Variants in ZNF699 observed in about 807,000 individuals in gnomAD.
ZNF699 encodes hangover homolog.
In ZNF699, 18 loss-of-function variants were observed where a neutral mutation model predicts 22.5. The ratio of observed to expected loss-of-function variants is 0.80; its 90% CI spans 0.55 to 1.19. The LOEUF is 1.19. Among genes scored for constraint, ZNF699 ranks in the 50% most tolerant of loss-of-function variants. The probability of loss-of-function intolerance (pLI) is 0.00; values close to 1 mark genes in which losing one functional copy is unlikely to be tolerated. For missense variants in ZNF699, 670 were observed against 763.4 expected, an observed-to-expected ratio of 0.88 and a Z score of 1.44; for synonymous variants, 241 against 262.3, an observed-to-expected ratio of 0.92 and a Z score of 0.78.
In ZNF699 at chr19:9,295,515, A is replaced by G; in HGVS notation, c.1889T>C (p.Phe630Ser). ...CGKAFVCPAY[F>S]RRHVKTHTRE... ...AGTGTGAGTTTTCACATGCCTTCGA[A>G]AGTAGGCAGGACAAACAAAGGCTTT... Residue 630 changes from phenylalanine (F) to serine (S), a missense_variant, in exon 6 of 6, where the codon TTT becomes TCT. Physicochemically the swap from Phe to Ser is radical, Grantham distance 155 (BLOSUM62 -2). Coordinates refer to ENST00000591998, the MANE Select transcript of ZNF699 (RefSeq NM_198535.3). 1 of 1,612,978 alleles carries G rather than the reference A, an allele frequency of 6.2e-7. No homozygotes were observed. Among genetic ancestry groups the G allele is most frequent in the Non-Finnish European group, 8.5e-7 (1 of 1,179,450 alleles).
rs1157262542 is a variant in ZNF699, at chr19:9,297,436, T to A, written c.330A>T (p.Gln110His). 1.3e-6 allele frequency: 2 copies of A among 1,589,362 alleles called. No homozygotes were observed. The highest frequency in any genetic ancestry group is 3.9e-5 in the Admixed American group (2 of 50,650). The stretch of plus-strand genomic sequence containing the variant: ...TGGATATTTTTTCTCCACAAATATC[T>A]TGTGAAGCAACTGATTCATTAGTTT... The part of the protein sequence containing the change: ...QLKTNESVAS[Q>H]DICGEKISNE... Residue 110 changes from glutamine (Q) to histidine (H), a missense_variant, in exon 5 of 6, where the codon CAA becomes CAT. Physicochemically the swap from Gln to His is conservative, Grantham distance 24 (BLOSUM62 0). Transcript: ENST00000591998. The surrounding 1 kb of genome is among the most constrained non-coding windows in gnomAD (Gnocchi z 4.3).
rs1437660004 is a variant in ZNF699, at chr19:9,296,818, C to T, written c.586G>A (p.Glu196Lys). ...LKRNTEVKSCECHECGKAFVD... is the reference protein window; with the variant it reads ...LKRNTEVKSCKCHECGKAFVD... ...AAGGCCTTTCCACACTCATGGCATT[C>T]ACAGGATTTTACTTCAGTATTTCTC... is the stretch of plus-strand genomic sequence containing the variant. The change falls in exon 6 of 6, where the codon GAA becomes AAA. Residue 196 changes from glutamate (E) to lysine (K), a missense_variant. Glu to Lys is a moderately conservative substitution (Grantham distance 56, BLOSUM62 1). Coordinates refer to ENST00000591998, the MANE Select transcript of ZNF699 (RefSeq NM_198535.3). The T allele has an allele frequency of 1.2e-6, 2 of 1,614,036 alleles. No individual in the cohort carries two copies. The highest frequency in any genetic ancestry group is 2.2e-5 in the East Asian group (1 of 44,896).
chr19:9,293,292 A>G lies in ZNF699; in HGVS notation c.*2183T>C, dbSNP rs761275277. Among the ~76,000 whole-genome samples the G allele has an allele frequency of 1.3e-5, 2 of 152,154 alleles. No individual in the cohort carries two copies. The highest frequency in any genetic ancestry group is 2.9e-5 in the Non-Finnish European group (2 of 68,036). Reference sequence around the variant, plus strand: ...GTCTGCTGGATGACTATAATCAGAAAGAGCTGGACAGGTGTGTGAAACAAC... The same window carrying G: ...GTCTGCTGGATGACTATAATCAGAAGGAGCTGGACAGGTGTGTGAAACAAC... On this transcript the variant is annotated 3_prime_UTR_variant, in exon 6 of 6. Transcript: ENST00000591998.
rs2066277961 is a variant in ZNF699 at position 9,294,596 on chromosome 19, C to A, written c.*879G>T. 1 of 152,164 alleles carries A rather than the reference C, an allele frequency of 6.6e-6. No homozygotes were observed. Among genetic ancestry groups the A allele is most frequent in the Non-Finnish European group, 1.5e-5 (1 of 68,034 alleles). 9.4% of individuals were successfully genotyped at this position (152,164 alleles called of 1,614,324 possible). ...TTTTCTTCCCTTATGCCTTCCAAAT[C>A]TCGTACAAACTCTTATTTTAGACAA... On this transcript the variant is annotated 3_prime_UTR_variant, in exon 6 of 6. Coordinates refer to ENST00000591998, the MANE Select transcript of ZNF699 (RefSeq NM_198535.3).
At chr19:9,302,326 G>C in intron 3 of ZNF699, 52 bp downstream of exon 3, 1 of 1,600,054 alleles carries the variant, frequency 6.2e-7, no homozygotes, top group Non-Finnish European at 8.6e-7. Flanking sequence ...TCAATTTAGT[G>C]AGATAAAATA....
At chr19:9,299,823 A>G (rs972059741) in intron 3 of ZNF699, among the ~76,000 whole-genome samples, 6 of 152,032 alleles carry the variant, frequency 3.9e-5, no homozygotes, top group African/African-American at 1.4e-4. Context: ...ACAGAAAAAA[A>G]CAAACAAAAT....
In ZNF699 at chr19:9,295,277, T is replaced by C; in HGVS notation, c.*198A>G. 1.7e-6 allele frequency: 1 copy of C among 596,746 alleles called. No individual in the cohort carries two copies. Among genetic ancestry groups the C allele is most frequent in the Non-Finnish European group, 2.8e-6 (1 of 359,932 alleles). 37.0% of individuals were successfully genotyped at this position (596,746 alleles called of 1,614,324 possible). ...TCTTCATTTCTAGTAGAGATTTTCTTATACATAATAAGCAATGTTCATAAA... is the reference window on the plus strand; with the variant it reads ...TCTTCATTTCTAGTAGAGATTTTCTCATACATAATAAGCAATGTTCATAAA... On this transcript the variant is annotated 3_prime_UTR_variant, in exon 6 of 6. Coordinates refer to ENST00000591998, the MANE Select transcript of ZNF699 (RefSeq NM_198535.3).
At position 9,302,445 on chromosome 19, in the gene ZNF699, CAGCA is replaced by C. The variant is rs2066310988; in HGVS notation, c.104_107del (p.Leu35TrpfsTer12). 2 of 1,613,922 alleles carry C rather than the reference CAGCA, an allele frequency of 1.2e-6. No homozygotes were observed. Among genetic ancestry groups the C allele is most frequent in the Non-Finnish European group, 1.7e-6 (2 of 1,179,962 alleles). On this transcript the variant is annotated frameshift_variant, in exon 3 of 6. Transcript: ENST00000591998. LOFTEE classifies it high-confidence loss of function. ...TGTAGAGGTTTCTCTGAGCAAGATC[CAGCA>C]AAGCCCATTCCTCCTGGGTAAAGTC...
chr19:9,305,135 A>C lies in ZNF699; in HGVS notation c.-5-11T>G. ...CTTCCTCCATGTCGCCTTCATGAAGAAAAGCAGGATATTGAGAAGTTAGAA... is the reference window on the plus strand; with the variant it reads ...CTTCCTCCATGTCGCCTTCATGAAGCAAAGCAGGATATTGAGAAGTTAGAA... On this transcript the variant is annotated splice_polypyrimidine_tract_variant and intron_variant, in intron 1 of 5. Transcript: ENST00000591998. 1 of 1,612,540 alleles carries C rather than the reference A, an allele frequency of 6.2e-7. No homozygotes were observed. The highest frequency in any genetic ancestry group is 8.5e-7 in the Non-Finnish European group (1 of 1,179,466).
chr19:9,309,127 T>A (rs971624270), intron 1 of ZNF699, among the ~76,000 whole-genome samples: 2 of 149,882 alleles, frequency 1.3e-5, no homozygotes, highest in Non-Finnish European at 3.0e-5. Context: ...GAGAGCACCT[T>A]TTATTTTACT....
At chr19:9,296,965 T>C (rs1568345119) in intron 5 of ZNF699, 32 bp from the exon 6 acceptor site, 1 of 1,479,852 alleles carries the variant, frequency 6.8e-7, no homozygotes, top group South Asian at 1.3e-5. Flanking sequence ...TTATTAGTAA[T>C]AAATTTCTAC....
At position 9,294,611 on chromosome 19, in the gene ZNF699, A is replaced by G. The variant is rs2066278019; in HGVS notation, c.*864T>C. 2.0e-5 allele frequency: 3 copies of G among 152,180 alleles called. No individual in the cohort carries two copies. The South Asian group carries it at 6.2e-4, about 31-fold the overall frequency. The allele number at this position is 152,180 out of a possible 1,614,324, so 9.4% of individuals were successfully genotyped here. On this transcript the variant is annotated 3_prime_UTR_variant, in exon 6 of 6. Transcript: ENST00000591998. ...CCTTCCAAATCTCGTACAAACTCTT[A>G]TTTTAGACAAGTCTAACCTAGAACT... is the stretch of plus-strand genomic sequence containing the variant.
chr19:9,308,324 CA>C (rs554753899), intron 1 of ZNF699, among the ~76,000 whole-genome samples: 9 of 141,752 alleles, frequency 6.3e-5, no homozygotes, highest in East Asian at 2.1e-4. Context: ...ACAACAACAA[CA>C]AAAAAAAAAT....
intron 1 of ZNF699, among the ~76,000 whole-genome samples, chr19:9,307,481 C>T (rs1470368009): frequency 1.3e-5 from 2 of 152,088 alleles, no homozygotes; most frequent in African/African-American, 4.8e-5. Context: ...AAAAATGTAG[C>T]ACATTATAGG....
Position 9,292,262 on chromosome 19 carries a change from TA to T in ZNF699, c.*3212del, listed in dbSNP as rs1315525649. 1.3e-5 allele frequency among the ~76,000 whole-genome samples: 2 copies of T among 152,146 alleles called. No individual in the cohort carries two copies. ...TGCAGACTCTAATCCAGTTTCTGGATAAGAACAGGCACTAACCCTAAACAAA... is the reference window on the plus strand; with the variant it reads ...TGCAGACTCTAATCCAGTTTCTGGATAGAACAGGCACTAACCCTAAACAAA... On this transcript the variant is annotated 3_prime_UTR_variant, in exon 6 of 6. Coordinates refer to ENST00000591998, the MANE Select transcript of ZNF699 (RefSeq NM_198535.3).
In ZNF699 at chr19:9,297,921, C is replaced by G; in HGVS notation, c.245G>C (p.Arg82Thr). The G allele has an allele frequency of 6.2e-7, 1 of 1,613,794 alleles. No homozygotes were observed. Among genetic ancestry groups the G allele is most frequent in the Non-Finnish European group, 8.5e-7 (1 of 1,179,966 alleles). Residue 82 changes from arginine (R) to threonine (T), a missense_variant, in exon 4 of 6, where the codon AGA becomes ACA. Arg to Thr is a moderately conservative substitution (Grantham distance 71). Transcript: ENST00000591998. This position sits in a 1 kb window ranked among gnomAD's most constrained non-coding sequence, Gnocchi z 4.3. ...CATAAAGATGCCCTGGATAAGTTCT[C>G]TCTTCACTGTCTGCAGGTCCTCCTC... ...EQEEDLQTVK[R>T]ELIQGIFMGE...
At chr19:9,299,186 G>C (rs1413194946) in intron 3 of ZNF699, among the ~76,000 whole-genome samples, 1 of 152,202 alleles carries the variant, frequency 6.6e-6, no homozygotes, top group African/African-American at 2.4e-5. Flanking sequence ...CCAGGCGGGA[G>C]TGCAGTGCCA....
intron 3 of ZNF699, among the ~76,000 whole-genome samples, chr19:9,298,467 G>A (rs1834744050): frequency 6.6e-6 from 1 of 151,682 alleles, no homozygotes; most frequent in African/African-American, 2.4e-5. Flanking sequence ...AAAAGGAGAG[G>A]TGGCAGGAGG....
In ZNF699 at chr19:9,302,406, C is replaced by T. The variant is rs2066310857; in HGVS notation, c.147G>A (p.Leu49=). The part of the protein sequence containing the change: ...AQRNLYRDVM[L]ENFQNLASLG... ...GTGAGGCCAGGTTCTGGAAGTTTTC[C>T]AGCATCACATCTCTGTAGAGGTTTC... is the stretch of plus-strand genomic sequence containing the variant. Residue 49 remains leucine (L), a synonymous_variant, in exon 3 of 6, where the codon CTG becomes CTA. Transcript: ENST00000591998. The T allele has an allele frequency of 6.2e-7, 1 of 1,613,744 alleles. No homozygotes were observed. The highest frequency in any genetic ancestry group is 1.3e-5 in the African/African-American group (1 of 74,872).
Sources: gnomAD v4.1 joint callset for allele counts (sites outside exome capture counted in the v4.1 genomes callset) on GRCh38, gnomAD v4.1.1 for gene constraint, Gnocchi (gnomAD v3.1) non-coding constraint, MANE v1.5 for transcripts, NCBI Gene and HGNC (gene_info 2026-07-23, HGNC 2026-07-21) for gene names.